Variants in ZNF469 observed in about 807,000 individuals in gnomAD.
ZNF469 encodes zinc finger protein 469.
A neutral mutation model predicts 1.0 loss-of-function variants in ZNF469; 1 was observed. The observed-to-expected ratio is 1.00, with a 90% CI of 0.35 to 4.73. ZNF469 has a LOEUF of 4.73. ZNF469 is among the 30% of genes most tolerant of loss of function. The probability of loss-of-function intolerance (pLI) is 0.16; values close to 1 mark genes in which losing one functional copy is unlikely to be tolerated. For synonymous variants in ZNF469, 2,703 were observed against 2,363.4 expected (o/e 1.14, Z -4.17); for missense variants, 6,100 against 5,356.3 (o/e 1.14, Z -4.33).
At chr16:88,419,146 G>C (rs2142289040) in intron 1 of ZNF469, among the ~76,000 whole-genome samples, 1 of 152,380 alleles carries the variant, frequency 6.6e-6, no homozygotes, top group Non-Finnish European at 1.5e-5. Context: ...AGCGGTGCTG[G>C]CACACATGGC....
At chr16:88,178,222 T>G in the ZNF469 span, 7 of 146,338 alleles carry the variant, frequency 4.8e-5, no homozygotes, top group South Asian at 2.2e-4. Context: ...GGCTGGAGAG[T>G]GGGCAGGAGG....
intron 1 of ZNF469, among the ~76,000 whole-genome samples, chr16:88,390,104 G>T (rs374749921): frequency 6.6e-6 from 1 of 152,198 alleles, no homozygotes; most frequent in African/African-American, 2.4e-5. Flanking sequence ...ACTTTCGGGG[G>T]CCACTAGACA....
At chr16:88,177,544 G>T in the ZNF469 span, 1 of 152,218 alleles carries the variant, frequency 6.6e-6, no homozygotes, top group Non-Finnish European at 1.5e-5. This position sits in a 1 kb window ranked among gnomAD's most constrained non-coding sequence, Gnocchi z 4.8. Flanking sequence ...TCCCATCTCA[G>T]ACGTGGTCCT....
chr16:88,422,301 A>ATGT (rs1905492201), intron 1 of ZNF469, among the ~76,000 whole-genome samples: 1 of 7,936 alleles, frequency 1.3e-4, no homozygotes. Context: ...TGGATGGATG[A>ATGT]GTGGGTGGAT....
the ZNF469 span, among the ~76,000 whole-genome samples, chr16:88,120,054 G>A: frequency 0.088 from 13,442 of 152,288 alleles, 722 homozygotes; most frequent in Non-Finnish European, 0.12. Flanking sequence ...CCCCAAGTCC[G>A]CCTGGGAGGG....
the ZNF469 span, among the ~76,000 whole-genome samples, chr16:88,160,353 A>G: frequency 3.3e-5 from 5 of 152,200 alleles, no homozygotes; most frequent in African/African-American, 4.8e-5. Flanking sequence ...ACAGCAAGAG[A>G]TGCCGGTTTC....
chr16:88,395,387 GGGTA>G lies in ZNF469; in HGVS notation c.-192+12143_-192+12146del, dbSNP rs781579186. Among the ~76,000 whole-genome samples, 134 of 140,674 alleles carry G rather than the reference GGGTA, an allele frequency of 9.5e-4. 1 individual carries two copies. The highest frequency in any genetic ancestry group is 1.4e-3 in the Non-Finnish European group (92 of 64,988). The allele number at this position is 140,674 out of a possible 152,430, so 92.3% of individuals were successfully genotyped here. On this transcript the variant is annotated intron_variant, in intron 1 of 2. Transcript: ENST00000565624. Reference sequence around the variant, plus strand: ...TGGGTGGATGGCTGGATGGCTGGATGGGTAGGTAGGTAGATAGAAAGATACACAC... The same window carrying G: ...TGGGTGGATGGCTGGATGGCTGGATGGGTAGGTAGATAGAAAGATACACAC...
At chr16:88,277,604 G>A in the ZNF469 span, among the ~76,000 whole-genome samples, 1,870 of 140,122 alleles carry the variant, frequency 0.013, 76 homozygotes, top group African/African-American at 0.053. Flanking sequence ...CCACGCTGAT[G>A]CTCCGTCAGT....
At chr16:88,411,862 C>A (rs1428370204) in intron 1 of ZNF469, among the ~76,000 whole-genome samples, 1 of 152,174 alleles carries the variant, frequency 6.6e-6, no homozygotes, top group Non-Finnish European at 1.5e-5. Context: ...CCTGGGGTCC[C>A]CTTCTGCCCT....
chr16:88,247,060 T>G, the ZNF469 span, among the ~76,000 whole-genome samples: 48 of 25,272 alleles, frequency 1.9e-3, no homozygotes, highest in African/African-American at 0.034. Flanking sequence ...AGTGAGTGAT[T>G]GAGTGAGTGA....
At chr16:88,301,127 G>A in the ZNF469 span, among the ~76,000 whole-genome samples, 1 of 151,612 alleles carries the variant, frequency 6.6e-6, no homozygotes, top group Non-Finnish European at 1.5e-5. Context: ...GTGAGAGGAT[G>A]GAAGATAACT....
At chr16:88,142,021 A>T in the ZNF469 span, among the ~76,000 whole-genome samples, 14 of 152,316 alleles carry the variant, frequency 9.2e-5, no homozygotes, top group South Asian at 2.5e-3. Context: ...AGACAGGCTC[A>T]TGTGTGCAGA....
chr16:88,301,230 C>A, the ZNF469 span, among the ~76,000 whole-genome samples: 7 of 151,908 alleles, frequency 4.6e-5, no homozygotes, highest in Admixed American at 3.9e-4. Flanking sequence ...TCTCAGCTCA[C>A]TGCAAGCTTC....
rs910095619 is a variant in ZNF469, at chr16:88,431,808, G to A, written c.4338G>A (p.Ser1446=). 20 of 1,549,552 alleles carry A rather than the reference G, an allele frequency of 1.3e-5. No individual in the cohort carries two copies. Among genetic ancestry groups the A allele is most frequent in the East Asian group, 2.4e-5 (1 of 40,910 alleles). The change falls in exon 3 of 3, where the codon TCG becomes TCA. Residue 1446 remains serine, a synonymous_variant. Coordinates refer to ENST00000565624, the MANE Select transcript of ZNF469 (RefSeq NM_001367624.2). ...TAETEPGRAA[S]PPTLESSSLF... ...AGACGGAGCCAGGCAGGGCTGCATCGCCACCGACCTTGGAGTCCTCATCCC... is the reference window on the plus strand; with the variant it reads ...AGACGGAGCCAGGCAGGGCTGCATCACCACCGACCTTGGAGTCCTCATCCC...
the ZNF469 span, among the ~76,000 whole-genome samples, chr16:88,319,883 A>G: frequency 6.6e-6 from 1 of 152,222 alleles, no homozygotes; most frequent in African/African-American, 2.4e-5. Flanking sequence ...CTATCTTCCA[A>G]GGAAAGGTTT....
upstream of ZNF469, among the ~76,000 whole-genome samples, chr16:88,380,478 C>T (rs1392505177): frequency 6.7e-6 from 1 of 148,260 alleles, no homozygotes; most frequent in Non-Finnish European, 1.5e-5. Context: ...TGCACTCACA[C>T]ATACGTGCAC....
At chr16:88,393,497 G>A (rs1171708779) in intron 1 of ZNF469, among the ~76,000 whole-genome samples, 3 of 152,250 alleles carry the variant, frequency 2.0e-5, no homozygotes, top group Non-Finnish European at 4.4e-5. Context: ...GTAGGCGGGA[G>A]GTGCCTGGGA....
chr16:88,340,983 C>T, the ZNF469 span, among the ~76,000 whole-genome samples: 3 of 152,230 alleles, frequency 2.0e-5, no homozygotes, highest in East Asian at 3.9e-4. Flanking sequence ...CCGGGCAAAG[C>T]GGTCCAGGCT....
At chr16:88,253,693 A>G in the ZNF469 span, among the ~76,000 whole-genome samples, 2 of 151,592 alleles carry the variant, frequency 1.3e-5, no homozygotes, top group Admixed American at 1.3e-4. Flanking sequence ...GCCAGCCACC[A>G]TGCCTTGGCT....
Sources: gnomAD v4.1 joint callset for allele counts (sites outside exome capture counted in the v4.1 genomes callset) on GRCh38, gnomAD v4.1.1 for gene constraint, Gnocchi (gnomAD v3.1) non-coding constraint, MANE v1.5 for transcripts, NCBI Gene and HGNC (gene_info 2026-07-23, HGNC 2026-07-21) for gene names.